NAV2: variants seen among roughly 807,000 people sequenced by gnomAD.
The protein encoded by NAV2 is helicase, APC down-regulated 1.
In NAV2, 54 loss-of-function variants were observed where a neutral mutation model predicts 223.2. The observed-to-expected ratio is 0.24, with a 90% CI of 0.19 to 0.30. The LOEUF is 0.30. Ranked by LOEUF, NAV2 falls within the 10% of genes least tolerant of loss-of-function variation. NAV2 has a pLI of 1.00. For synonymous variants in NAV2, 1,279 were observed against 1,239.3 expected, an observed-to-expected ratio of 1.03 and a Z score of -0.67; for missense variants, 2,806 against 3,147.5, an observed-to-expected ratio of 0.89 and a Z score of 2.60.
intron 1 of NAV2, among the ~76,000 whole-genome samples, chr11:19,453,405 A>G (rs1851855247): frequency 2.6e-5 from 4 of 152,264 alleles, no homozygotes; most frequent in Admixed American, 2.6e-4. Flanking sequence ...TGGGACTCTG[A>G]CAAAGTGCTA....
intron 11 of NAV2, among the ~76,000 whole-genome samples, chr11:20,018,853 C>T (rs2054240545): frequency 6.6e-6 from 1 of 152,180 alleles, no homozygotes; most frequent in African/African-American, 2.4e-5. Flanking sequence ...GCCATTCCAA[C>T]CAACATCTGA....
intron 14 of NAV2, among the ~76,000 whole-genome samples, chr11:20,046,033 C>T (rs1218125886): frequency 6.6e-6 from 1 of 152,186 alleles, no homozygotes; most frequent in Non-Finnish European, 1.5e-5. Flanking sequence ...TCGTAGTATG[C>T]ACTCAATAGA....
At chr11:19,923,062 C>T (rs957414081) in intron 6 of NAV2, among the ~76,000 whole-genome samples, 1 of 152,238 alleles carries the variant, frequency 6.6e-6, no homozygotes, top group African/African-American at 2.4e-5. Flanking sequence ...GTTTAATGCT[C>T]GAATGCATGA....
At chr11:19,715,584 A>G (rs1186352520) in intron 1 of NAV2, among the ~76,000 whole-genome samples, 1 of 152,184 alleles carries the variant, frequency 6.6e-6, no homozygotes, top group African/African-American at 2.4e-5. Flanking sequence ...GGGATTGTTC[A>G]TATCCAGGCA....
At chr11:19,381,222 C>G (rs1056539785) in intron 1 of NAV2, among the ~76,000 whole-genome samples, 11 of 152,190 alleles carry the variant, frequency 7.2e-5, no homozygotes, top group Non-Finnish European at 1.6e-4. Context: ...AGTTATCACT[C>G]TATACCTTCT....
chr11:19,413,334 G>A (rs1245964618), intron 1 of NAV2, among the ~76,000 whole-genome samples: 3 of 152,028 alleles, frequency 2.0e-5, no homozygotes, highest in Non-Finnish European at 4.4e-5. Flanking sequence ...AGAGATTGAG[G>A]ATCAACTTAA....
Position 20,095,667 on chromosome 11 carries a change from C to A in NAV2, c.5917-5C>A, listed in dbSNP as rs1384560470. On this transcript the variant is annotated splice_region_variant and splice_polypyrimidine_tract_variant and intron_variant, in intron 29 of 37. Transcript: ENST00000349880. ...TTTCACCTGTGTACATTTCCTTACC[C>A]TTAGGATTCCAGACCACATCTCTTT... 1.2e-6 allele frequency: 2 copies of A among 1,607,712 alleles called. No homozygotes were observed. The highest frequency in any genetic ancestry group is 1.7e-5 in the Admixed American group (1 of 60,016).
intron 1 of NAV2, among the ~76,000 whole-genome samples, chr11:19,752,145 A>G (rs1258191697): frequency 2.0e-5 from 3 of 152,110 alleles, no homozygotes; most frequent in East Asian, 3.9e-4. Context: ...TTACATCCCC[A>G]TCTTGGAAGG....
intron 8 of NAV2, among the ~76,000 whole-genome samples, chr11:19,941,138 G>T (rs75169247): frequency 0.014 from 2,122 of 152,220 alleles, 62 homozygotes; most frequent in African/African-American, 0.049. Context: ...AGGAGCCGGA[G>T]AATATTCCAA....
Position 20,045,491 on chromosome 11 carries a change from T to C in NAV2, c.3723T>C (p.Ser1241=), listed in dbSNP as rs748359551. Reference sequence around the variant, plus strand: ...CTTCCAAAACAGCCCTAGGCAGCTCTCTACCAGGTCTGGTCAACCAAACAG... The same window carrying C: ...CTTCCAAAACAGCCCTAGGCAGCTCCCTACCAGGTCTGGTCAACCAAACAG... The part of the protein sequence containing the change: ...REPSKTALGS[S]LPGLVNQTDK... Residue 1241 remains serine (S), a synonymous_variant, in exon 14 of 38, where the codon TCT becomes TCC. Coordinates refer to ENST00000349880, the MANE Select transcript of NAV2 (RefSeq NM_145117.5). 6.8e-6 allele frequency: 11 copies of C among 1,614,142 alleles called. No individual in the cohort carries two copies. In the South Asian group the frequency reaches 9.9e-5, roughly 14 times the overall value.
At chr11:19,930,472 C>T (rs951960499) in intron 6 of NAV2, among the ~76,000 whole-genome samples, 2 of 152,144 alleles carry the variant, frequency 1.3e-5, no homozygotes, top group African/African-American at 4.8e-5. Flanking sequence ...CTTGTAGTTC[C>T]TATAAGGACA....
intron 4 of NAV2, among the ~76,000 whole-genome samples, chr11:19,879,461 A>G (rs778888761): frequency 5.3e-5 from 8 of 152,028 alleles, no homozygotes; most frequent in Non-Finnish European, 1.2e-4. Context: ...CACTTGGCAC[A>G]CTCACTGTGG....
intron 11 of NAV2, among the ~76,000 whole-genome samples, chr11:19,996,884 G>T (rs2153476063): frequency 6.6e-6 from 1 of 152,292 alleles, no homozygotes; most frequent in South Asian, 2.1e-4. Flanking sequence ...GTGTGGAGGA[G>T]ATTAAATGGG....
intron 1 of NAV2, among the ~76,000 whole-genome samples, chr11:19,617,873 G>GCA (rs1360773739): frequency 1.3e-5 from 2 of 152,058 alleles, no homozygotes; most frequent in African/African-American, 4.8e-5. Flanking sequence ...AGTCACAATG[G>GCA]CACACACCCA....
intron 3 of NAV2, among the ~76,000 whole-genome samples, chr11:19,849,434 A>G (rs924263722): frequency 5.3e-5 from 8 of 152,246 alleles, no homozygotes; most frequent in African/African-American, 1.7e-4. Context: ...ATGAAAGCTG[A>G]AACAGGGGCA....
At chr11:20,008,884 T>A (rs11606785) in intron 11 of NAV2, among the ~76,000 whole-genome samples, 2 of 152,210 alleles carry the variant, frequency 1.3e-5, no homozygotes, top group South Asian at 2.1e-4. Context: ...TTTAAATTGC[T>A]TTGCTTAAAT....
chr11:20,111,741 C>T (rs1245648886), intron 36 of NAV2, among the ~76,000 whole-genome samples: 1 of 152,132 alleles, frequency 6.6e-6, no homozygotes, highest in African/African-American at 2.4e-5. Context: ...GCTCTGAGAC[C>T]CCAGACAGGT....
At chr11:19,790,559 A>G (rs1307910705) in intron 1 of NAV2, among the ~76,000 whole-genome samples, 1 of 152,230 alleles carries the variant, frequency 6.6e-6, no homozygotes, top group Non-Finnish European at 1.5e-5. Flanking sequence ...TTGTTGTGAA[A>G]CTGCTGCTTA....
chr11:19,751,172 G>A (rs186971616), intron 1 of NAV2, among the ~76,000 whole-genome samples: 186 of 152,182 alleles, frequency 1.2e-3, no homozygotes, highest in African/African-American at 4.2e-3. Context: ...GTTTCCCAGC[G>A]CACCACTTAG....
Sources: gnomAD v4.1 joint callset for allele counts (sites outside exome capture counted in the v4.1 genomes callset) on GRCh38, gnomAD v4.1.1 for gene constraint, MANE v1.5 for transcripts, NCBI Gene and HGNC (gene_info 2026-07-23, HGNC 2026-07-21) for gene names.